Variants in SHANK2 observed in about 807,000 individuals in gnomAD.
SHANK2 encodes the protein SH3 and multiple ankyrin repeat domains protein 2.
A neutral mutation model predicts 133.7 loss-of-function variants in SHANK2; 43 were observed. That is an observed-to-expected ratio of 0.32 (90% confidence interval 0.25 to 0.41). SHANK2 has a LOEUF of 0.41. SHANK2 is among the 10% of genes least tolerant of loss of function. The pLI, the probability that SHANK2 is intolerant of heterozygous loss-of-function variation, is 1.00. For missense variants in SHANK2, 1,994 were observed against 2,235.8 expected, an observed-to-expected ratio of 0.89 and a Z score of 2.18; for synonymous variants, 1,017 against 952.8, an observed-to-expected ratio of 1.07 and a Z score of -1.24.
In SHANK2 at chr11:70,467,873, TTTAAC is replaced by T. The variant is rs1316101072; in HGVS notation, c.*4991_*4995del. ...ATCTTATTTCAATTTACTTTTTATT[TTTAAC>T]TTAAACGACTGTGTATTTTCCACAG... On this transcript the variant is annotated 3_prime_UTR_variant, in exon 26 of 26. Transcript: ENST00000601538. 1 of 152,666 alleles carries T rather than the reference TTTAAC, an allele frequency of 6.6e-6. No homozygotes were observed. Among genetic ancestry groups the T allele is most frequent in the African/African-American group, 2.4e-5 (1 of 41,470 alleles). 9.5% of individuals were successfully genotyped at this position (152,666 alleles called of 1,614,324 possible). A position where few individuals can be genotyped will look rare whatever the true frequency, so the allele number is the denominator to read the frequency against.
intron 17 of SHANK2, among the ~76,000 whole-genome samples, chr11:70,550,890 T>G (rs2059756833): frequency 6.6e-6 from 1 of 152,010 alleles, no homozygotes; most frequent in African/African-American, 2.4e-5. Context: ...CATCGAGGTG[T>G]GGATGGATGG....
rs782339017 is a variant in SHANK2, at chr11:70,500,615, A to G, written c.2288-25T>C. 6.3e-7 allele frequency: 1 copy of G among 1,598,104 alleles called. No homozygotes were observed. The highest frequency in any genetic ancestry group is 1.7e-5 in the Admixed American group (1 of 57,650). Reference sequence around the variant, plus strand: ...GCTTGCAAACAGAAAGGGGACCGCCATGAGCCACCAGGATGCAGCGCCCGC... The same window carrying G: ...GCTTGCAAACAGAAAGGGGACCGCCGTGAGCCACCAGGATGCAGCGCCCGC... On this transcript the variant is annotated intron_variant, in intron 20 of 25. Transcript: ENST00000601538. This position sits in a 1 kb window ranked among gnomAD's most constrained non-coding sequence, Gnocchi z 4.5.
At chr11:70,639,974 G>A (rs1292174433) in intron 17 of SHANK2, among the ~76,000 whole-genome samples, 1 of 152,210 alleles carries the variant, frequency 6.6e-6, no homozygotes, top group East Asian at 1.9e-4. Flanking sequence ...AGGCCCACAG[G>A]CCCGTCTGGG....
At position 71,092,490 on chromosome 11, in the gene SHANK2, C is replaced by T. The variant is rs548275131; in HGVS notation, c.844G>A (p.Glu282Lys). 11 of 1,551,524 alleles carry T rather than the reference C, an allele frequency of 7.1e-6. No homozygotes were observed. The highest frequency in any genetic ancestry group is 1.7e-4 in the Middle Eastern group (1 of 5,992). ...AIVGGDPYCCELLLHEHATVC... is the reference protein window; with the variant it reads ...AIVGGDPYCCKLLLHEHATVC... ...GTGGCGTGTTCGTGCAGGAGAAGCT[C>T]GCAGCAGTAGGGATCACCTCCGACG... is the stretch of plus-strand genomic sequence containing the variant. The change falls in exon 8 of 26, where the codon GAG becomes AAG. Residue 282 changes from glutamate to lysine, a missense_variant. By Grantham distance (56) the Glu-to-Lys change is moderately conservative (BLOSUM62 1). This residue lies in a region of SHANK2 where 653 missense variants were observed against 563.4 expected (regional missense o/e 1.16). Coordinates refer to ENST00000601538, the MANE Select transcript of SHANK2 (RefSeq NM_012309.5).
chr11:70,896,531 A>G lies in SHANK2; in HGVS notation c.1144T>C (p.Tyr382His). The G allele has an allele frequency of 1.4e-6, 1 of 719,010 alleles. No homozygotes were observed. Among genetic ancestry groups the G allele is most frequent in the Non-Finnish European group, 2.6e-6 (1 of 385,058 alleles). The allele number at this position is 719,010 out of a possible 1,614,324, so 44.5% of individuals were successfully genotyped here. The change falls in exon 11 of 26, where the codon TAC (tyrosine) becomes CAC (histidine). Residue 382 changes from tyrosine to histidine, a missense_variant. By Grantham distance (83) the Tyr-to-His change is moderately conservative. Transcript: ENST00000601538. ...TCTGTTTCCTTGTGGTTCTTGATGTATTCTGCCAGCTCAAAGTTGCCTGCT... is the reference window on the plus strand; with the variant it reads ...TCTGTTTCCTTGTGGTTCTTGATGTGTTCTGCCAGCTCAAAGTTGCCTGCT... ...IIAGNFELAE[Y>H]IKNHKETDIV... is the part of the protein sequence containing the mutation.
intron 14 of SHANK2, among the ~76,000 whole-genome samples, chr11:70,710,299 C>T (rs1945755061): frequency 6.6e-6 from 1 of 152,186 alleles, no homozygotes; most frequent in African/African-American, 2.4e-5. Flanking sequence ...GCTCTGAAGT[C>T]AAGGGTGAGC....
intron 8 of SHANK2, among the ~76,000 whole-genome samples, chr11:71,083,209 G>C (rs1348815252): frequency 6.6e-6 from 1 of 152,130 alleles, no homozygotes; most frequent in Non-Finnish European, 1.5e-5. Flanking sequence ...CCAAACTGCT[G>C]GGACTATAGT....
chr11:71,142,532 G>T (rs1217169907), intron 3 of SHANK2, among the ~76,000 whole-genome samples: 1 of 151,652 alleles, frequency 6.6e-6, no homozygotes, highest in African/African-American at 2.4e-5. Flanking sequence ...AAAAAAAAAT[G>T]GCAAACAAGC....
At chr11:71,119,429 A>T (rs1356429271) in intron 3 of SHANK2, among the ~76,000 whole-genome samples, 1 of 151,920 alleles carries the variant, frequency 6.6e-6, no homozygotes, top group Non-Finnish European at 1.5e-5. Flanking sequence ...AAAATACAAA[A>T]ATTTGCTGGG....
intron 14 of SHANK2, among the ~76,000 whole-genome samples, chr11:70,772,265 T>C (rs1555042992): frequency 6.6e-6 from 1 of 151,278 alleles, no homozygotes; most frequent in Non-Finnish European, 1.5e-5. Flanking sequence ...CATGGTGAAA[T>C]CCCATCTCCA....
intron 14 of SHANK2, among the ~76,000 whole-genome samples, chr11:70,710,220 C>T (rs1474220529): frequency 1.3e-5 from 2 of 152,224 alleles, no homozygotes; most frequent in African/African-American, 4.8e-5. Flanking sequence ...GGGGGCTGTG[C>T]CGTCCCCTCA....
At chr11:71,156,637 T>C (rs1401716388) in intron 2 of SHANK2, among the ~76,000 whole-genome samples, 1 of 152,136 alleles carries the variant, frequency 6.6e-6, no homozygotes, top group Non-Finnish European at 1.5e-5. Flanking sequence ...ACTAATTCCA[T>C]TACACATACA....
At chr11:70,891,718 G>C (rs531183288) in intron 11 of SHANK2, among the ~76,000 whole-genome samples, 3 of 151,848 alleles carry the variant, frequency 2.0e-5, no homozygotes, top group African/African-American at 7.3e-5. Context: ...TCCCTCTCTC[G>C]GTCTCCATCC....
intron 17 of SHANK2, among the ~76,000 whole-genome samples, chr11:70,525,052 A>G (rs1554971846): frequency 1.3e-5 from 2 of 152,248 alleles, no homozygotes; most frequent in Non-Finnish European, 2.9e-5. Context: ...TCCCAGCTGC[A>G]GCAGCACAGG....
intron 17 of SHANK2, among the ~76,000 whole-genome samples, chr11:70,562,668 G>A (rs992740313): frequency 8.5e-5 from 13 of 152,128 alleles, no homozygotes; most frequent in East Asian, 5.8e-4. Flanking sequence ...TAATTAAAGC[G>A]AGTGCTCCTT....
Position 70,871,496 on chromosome 11 carries a change from C to T in SHANK2, c.1174+25005G>A, listed in dbSNP as rs528457826. Among the ~76,000 whole-genome samples the T allele has an allele frequency of 7.9e-5, 12 of 152,328 alleles. No homozygotes were observed. The East Asian group carries it at 2.3e-3, about 29-fold the overall frequency. ...CTGAGCCTCCTTCACGTGCTGAGGCCACATCTGTGTGCCATGGAGCCTGTG... is the reference window on the plus strand; with the variant it reads ...CTGAGCCTCCTTCACGTGCTGAGGCTACATCTGTGTGCCATGGAGCCTGTG... On this transcript the variant is annotated intron_variant, in intron 11 of 25. Transcript: ENST00000601538.
chr11:70,716,949 G>A (rs185272159), intron 14 of SHANK2, among the ~76,000 whole-genome samples: 277 of 136,080 alleles, frequency 2.0e-3, no homozygotes, highest in African/African-American at 5.4e-3. Flanking sequence ...TGCTCTCCTC[G>A]GCCTTTGTGG....
At chr11:70,877,793 A>G (rs1249381422) in intron 11 of SHANK2, among the ~76,000 whole-genome samples, 3 of 152,222 alleles carry the variant, frequency 2.0e-5, no homozygotes, top group Non-Finnish European at 2.9e-5. Flanking sequence ...AGCCAAATAT[A>G]GACACGGATA....
chr11:71,229,765 GA>G (rs55730780), intron 1 of SHANK2, among the ~76,000 whole-genome samples: 2,316 of 116,558 alleles, frequency 0.02, 24 homozygotes, highest in East Asian at 0.075. Flanking sequence ...TCTCAAAAAA[GA>G]AAAAAAAAAA....
Sources: gnomAD v4.1 joint callset for allele counts (sites outside exome capture counted in the v4.1 genomes callset) on GRCh38, gnomAD v4.1.1 for gene constraint, gnomAD v4.1.1 regional missense constraint, Gnocchi (gnomAD v3.1) non-coding constraint, MANE v1.5 for transcripts, NCBI Gene and HGNC (gene_info 2026-07-23, HGNC 2026-07-21) for gene names.